CIDEA: variants seen among roughly 807,000 people sequenced by gnomAD.
CIDEA encodes the protein lipid transferase CIDEA.
In CIDEA, 10 loss-of-function variants were observed where a neutral mutation model predicts 18.2. The observed-to-expected ratio is 0.55, with a 90% CI of 0.34 to 0.93. CIDEA has a LOEUF of 0.93. CIDEA is among the 40% of genes least tolerant of loss of function. The probability of loss-of-function intolerance (pLI) is 0.02; values close to 1 mark genes in which losing one functional copy is unlikely to be tolerated. For missense variants in CIDEA, 309 were observed against 293.1 expected (o/e 1.05, Z -0.40); for synonymous variants, 128 against 124.8 (o/e 1.03, Z -0.17).
chr18:12,263,536 G>A (rs1040620291), intron 2 of CIDEA: 11 of 152,252 alleles, frequency 7.2e-5, no homozygotes, highest in African/African-American at 2.7e-4. Flanking sequence ...AAAACATTGA[G>A]GTACAGAGAC....
At chr18:12,277,056 C>A in intron 4 of CIDEA, 67 bp from the exon 5 acceptor site, 1 of 1,574,874 alleles carries the variant, frequency 6.3e-7, no homozygotes, top group Admixed American at 1.7e-5. Context: ...TGAAGTATTC[C>A]CATCCTGTCT....
intron 1 of CIDEA, among the ~76,000 whole-genome samples, chr18:12,258,014 T>C (rs1191622991): frequency 6.6e-6 from 1 of 152,180 alleles, no homozygotes; most frequent in South Asian, 2.1e-4. Context: ...GTGTTACATA[T>C]GAGACAGCCT....
chr18:12,257,459 T>A (rs1048866478), intron 1 of CIDEA, among the ~76,000 whole-genome samples: 11 of 152,250 alleles, frequency 7.2e-5, no homozygotes, highest in East Asian at 3.8e-4. Context: ...TAATTCTCTG[T>A]ACGGCTCAGG....
chr18:12,254,566 G>GCGCACACACCCAT (rs1555660997), intron 1 of CIDEA, 145 bp downstream of exon 1: 7 of 1,529,150 alleles, frequency 4.6e-6, no homozygotes, highest in Non-Finnish European at 5.3e-6. Context: ...CCGCGACCCC[G>GCGCACACACCCAT]CGCACACACC....
At chr18:12,257,463 G>A (rs940375146) in intron 1 of CIDEA, among the ~76,000 whole-genome samples, 1 of 152,122 alleles carries the variant, frequency 6.6e-6, no homozygotes, top group South Asian at 2.1e-4. Context: ...TCTCTGTACG[G>A]CTCAGGTTTG....
intron 3 of CIDEA, among the ~76,000 whole-genome samples, chr18:12,268,152 C>T (rs1912404774): frequency 6.6e-6 from 1 of 150,792 alleles, no homozygotes. Context: ...GCAACCTATG[C>T]CTCCTGGCTT....
intron 3 of CIDEA, among the ~76,000 whole-genome samples, 156 bp downstream of exon 3, chr18:12,264,609 A>G (rs1196067004): frequency 1.3e-5 from 2 of 150,906 alleles, no homozygotes; most frequent in South Asian, 2.1e-4. Flanking sequence ...GCTGGAGTGC[A>G]GTGGCGCGAT....
Position 12,277,216 on chromosome 18 carries a change from G to C in CIDEA, c.606G>C (p.Lys202Asn). 6.2e-7 allele frequency: 1 copy of C among 1,614,210 alleles called. No homozygotes were observed. Reference sequence around the variant, plus strand: ...ACATGCTCCGGGTGCTGGATGACAAGGAAGAGCGGCCATCCCTCCGGTCAC... The same window carrying C: ...ACATGCTCCGGGTGCTGGATGACAACGAAGAGCGGCCATCCCTCCGGTCAC... ...GTYMLRVLDD[K>N]EERPSLRSQA... Residue 202 changes from lysine to asparagine, a missense_variant, in exon 5 of 5, where the codon AAG becomes AAC. Transcript: ENST00000320477.
intron 3 of CIDEA, among the ~76,000 whole-genome samples, 199 bp from the exon 4 acceptor site, chr18:12,273,894 C>T (rs12966216): frequency 0.32 from 48,334 of 152,116 alleles, 8,302 homozygotes; most frequent in East Asian, 0.52. Flanking sequence ...CAGGGACAGA[C>T]GCCTCGTGGC....
intron 4 of CIDEA, among the ~76,000 whole-genome samples, chr18:12,275,831 C>G (rs75325425): frequency 6.6e-5 from 10 of 151,494 alleles, no homozygotes; most frequent in Non-Finnish European, 1.3e-4. Context: ...GGAGAGCTTC[C>G]TTTTTTTTGT....
At chr18:12,258,916 C>A (rs1057351474) in intron 1 of CIDEA, among the ~76,000 whole-genome samples, 6 of 152,236 alleles carry the variant, frequency 3.9e-5, no homozygotes, top group African/African-American at 1.4e-4. Context: ...GGGTTCTGAA[C>A]GTGAAATGTA....
Position 12,277,393 on chromosome 18 carries a change from A to G in CIDEA, c.*123A>G, listed in dbSNP as rs1180837777. On this transcript the variant is annotated 3_prime_UTR_variant, in exon 5 of 5. Transcript: ENST00000320477. Reference sequence around the variant, plus strand: ...TTGGAGGCCGCTGGTCACGCTGCTCAGGAGTGGTGCCCAGAAAAGGAAAGG... The same window carrying G: ...TTGGAGGCCGCTGGTCACGCTGCTCGGGAGTGGTGCCCAGAAAAGGAAAGG... The G allele has an allele frequency of 9.2e-7, 1 of 1,081,364 alleles. No homozygotes were observed. Among genetic ancestry groups the G allele is most frequent in the Non-Finnish European group, 1.3e-6 (1 of 757,412 alleles). The allele number at this position is 1,081,364 out of a possible 1,614,324, so 67.0% of individuals were successfully genotyped here.
intron 1 of CIDEA, 199 bp downstream of exon 1, chr18:12,254,620 G>A (rs990629724): frequency 6.5e-7 from 1 of 1,527,088 alleles, no homozygotes; most frequent in Non-Finnish European, 8.8e-7. Context: ...GCGCCCGCGG[G>A]CAGAGCCCAA....
At chr18:12,263,228 C>A (rs1912249115) in intron 2 of CIDEA, among the ~76,000 whole-genome samples, 1 of 152,226 alleles carries the variant, frequency 6.6e-6, no homozygotes, top group African/African-American at 2.4e-5. Flanking sequence ...ATCCTCCCAC[C>A]TCAACCTCCC....
chr18:12,260,583 A>G (rs1912163608), intron 1 of CIDEA, among the ~76,000 whole-genome samples: 1 of 152,240 alleles, frequency 6.6e-6, no homozygotes, highest in South Asian at 2.1e-4. Context: ...TACTATCTAA[A>G]ATGTATGTGC....
intron 1 of CIDEA, among the ~76,000 whole-genome samples, chr18:12,256,182 C>T (rs529639235): frequency 1.0e-3 from 158 of 152,208 alleles, no homozygotes; most frequent in Non-Finnish European, 1.7e-3. Context: ...ACCTTTTCTT[C>T]CCTGCCCCTC....
chr18:12,261,386 A>G (rs1446009298), intron 1 of CIDEA, among the ~76,000 whole-genome samples: 1 of 152,140 alleles, frequency 6.6e-6, no homozygotes, highest in Non-Finnish European at 1.5e-5. Flanking sequence ...ACAAACAAAC[A>G]AAAGTCTGCG....
chr18:12,260,896 A>G (rs1317873318), intron 1 of CIDEA, among the ~76,000 whole-genome samples: 1 of 152,176 alleles, frequency 6.6e-6, no homozygotes, highest in Non-Finnish European at 1.5e-5. Context: ...ATAGCCACTA[A>G]TTTGAGCACC....
chr18:12,254,687 C>G, intron 1 of CIDEA: 1 of 1,515,240 alleles, frequency 6.6e-7, no homozygotes, highest in Non-Finnish European at 8.9e-7. Context: ...AGGTGTGGCT[C>G]TTGCGAGGTG....
Sources: allele counts gnomAD v4.1 joint callset (sites outside exome capture counted in the v4.1 genomes callset), GRCh38; gene constraint gnomAD v4.1.1; transcripts MANE v1.5; gene names NCBI Gene and HGNC (gene_info 2026-07-23, HGNC 2026-07-21).